Variants in PLB1 observed in about 807,000 individuals in gnomAD.
PLB1 encodes phospholipase B1.
PLB1 carries 242 observed loss-of-function variants against 227.4 expected under a neutral mutation model. That is an observed-to-expected ratio of 1.06 (90% CI 0.96 to 1.18). The LOEUF is 1.18. Ranked by LOEUF, PLB1 falls within the 50% of genes most tolerant of loss-of-function variation. The pLI is 0.00. For synonymous variants in PLB1, 757 were observed against 682.2 expected, an observed-to-expected ratio of 1.11 and a Z score of -1.71; for missense variants, 1,858 against 1,816.3, an observed-to-expected ratio of 1.02 and a Z score of -0.42.
rs142773080 is a variant in PLB1, at chr2:28,497,129, T to C, written c.55+960T>C. Among the ~76,000 whole-genome samples, 829 of 152,364 alleles carry C rather than the reference T, an allele frequency of 5.4e-3. 8 individuals are homozygous for C. Among genetic ancestry groups the C allele is most frequent in the African/African-American group, 0.019 (790 of 41,590 alleles). On this transcript the variant is annotated intron_variant, in intron 1 of 57. Transcript: ENST00000327757. ...CATAGAGATTGTTTGAGTTTCTCTTTTGTGAAGTGCCTGTTGAAGTCTTTT... is the reference window on the plus strand; with the variant it reads ...CATAGAGATTGTTTGAGTTTCTCTTCTGTGAAGTGCCTGTTGAAGTCTTTT...
chr2:28,513,658 C>T (rs889026873), intron 1 of PLB1, among the ~76,000 whole-genome samples: 1 of 152,214 alleles, frequency 6.6e-6, no homozygotes, highest in Non-Finnish European at 1.5e-5. Context: ...GACACTTGCA[C>T]GCAGGCACAC....
intron 14 of PLB1, among the ~76,000 whole-genome samples, chr2:28,543,925 A>G (rs4666090): frequency 0.89 from 134,814 of 152,328 alleles, 59,992 homozygotes; most frequent in East Asian, 0.99. Flanking sequence ...CAGGGGATGG[A>G]ATGTGGCGTC....
rs544621759 is a variant in PLB1, at chr2:28,505,203, A to G, written c.55+9034A>G. On this transcript the variant is annotated intron_variant, in intron 1 of 57. Transcript: ENST00000327757. ...GTAACTTATCCAAAATCATCCAGCT[A>G]ATTAGTACAGGAAGCTGAGGTCAGT... 4.6e-5 allele frequency among the ~76,000 whole-genome samples: 7 copies of G among 152,312 alleles called. No homozygotes were observed. In the South Asian group the frequency reaches 1.4e-3, roughly 32 times the overall value.
chr2:28,548,340 T>G (rs1673622324), intron 14 of PLB1, among the ~76,000 whole-genome samples: 1 of 152,144 alleles, frequency 6.6e-6, no homozygotes, highest in African/African-American at 2.4e-5. Flanking sequence ...CCATACTGGC[T>G]CTCCTGTCTA....
chr2:28,590,933 A>T (rs904403992), intron 29 of PLB1, among the ~76,000 whole-genome samples, 200 bp from the exon 30 acceptor site: 1 of 152,156 alleles, frequency 6.6e-6, no homozygotes, highest in Non-Finnish European at 1.5e-5. Context: ...GCATGAATTG[A>T]TGCTCATTCT....
At chr2:28,590,799 A>G (rs1681772765) in intron 29 of PLB1, among the ~76,000 whole-genome samples, 1 of 152,078 alleles carries the variant, frequency 6.6e-6, no homozygotes. Context: ...AGCGGAGACA[A>G]GGGCTTTTTC....
At chr2:28,589,276 C>CTGATCTAAAATGTAAA (rs915376050) in intron 26 of PLB1, among the ~76,000 whole-genome samples, 174 bp from the exon 27 acceptor site, 28 of 152,144 alleles carry the variant, frequency 1.8e-4, no homozygotes, top group Non-Finnish European at 3.1e-4. Flanking sequence ...GAGATAAAGG[C>CTGATCTAAAATGTAAA]TGATCTAAAA....
intron 25 of PLB1, among the ~76,000 whole-genome samples, chr2:28,585,376 A>G (rs757952528): frequency 7.2e-5 from 11 of 152,028 alleles, no homozygotes; most frequent in Non-Finnish European, 1.2e-4. Flanking sequence ...CCCGGGTTCA[A>G]GCGATTCTCA....
At chr2:28,527,700 C>T (rs534389429) in intron 6 of PLB1, among the ~76,000 whole-genome samples, 17 of 152,366 alleles carry the variant, frequency 1.1e-4, no homozygotes, top group Non-Finnish European at 2.4e-4. Context: ...TTTGTTCTCA[C>T]CCCACTGCTG....
rs535185369 is a variant in PLB1, at chr2:28,522,333, A to G, written c.243+2570A>G. ...CCACTGAAAGCAGGCAGAGCTCCCC[A>G]CCCGCATTCTCTCTTATCGATGCTG... is the stretch of plus-strand genomic sequence containing the variant. On this transcript the variant is annotated intron_variant, in intron 4 of 57. Coordinates refer to ENST00000327757, the MANE Select transcript of PLB1 (RefSeq NM_153021.5). Among the ~76,000 whole-genome samples the G allele has an allele frequency of 5.9e-5, 9 of 151,970 alleles. No homozygotes were observed. In the South Asian group the frequency reaches 1.9e-3, roughly 32 times the overall value.
rs1669119406 is a variant in PLB1 at position 28,518,486 on chromosome 2, C to G, written c.138C>G (p.Phe46Leu). The change falls in exon 3 of 58, where the codon TTC becomes TTG. Residue 46 changes from phenylalanine to leucine, a missense_variant. Phe to Leu is a conservative substitution (Grantham distance 22). Transcript: ENST00000327757. ...TGCAGACCCTGAAGAATTCTCCATT[C>G]CCATGCAACCCAAATAAATTAGGAG... ...LWPETLKNSP[F>L]PCNPNKLGVN... The G allele has an allele frequency of 6.2e-7, 1 of 1,612,808 alleles. No individual in the cohort carries two copies. Among genetic ancestry groups the G allele is most frequent in the South Asian group, 1.1e-5 (1 of 91,044 alleles).
At chr2:28,634,180 C>G (rs950882712) in intron 56 of PLB1, among the ~76,000 whole-genome samples, 1 of 152,202 alleles carries the variant, frequency 6.6e-6, no homozygotes, top group African/African-American at 2.4e-5. Flanking sequence ...GTGGACATCA[C>G]GTACCTGCCC....
At chr2:28,546,214 T>C (rs1358393763) in intron 14 of PLB1, among the ~76,000 whole-genome samples, 1 of 152,190 alleles carries the variant, frequency 6.6e-6, no homozygotes, top group Admixed American at 6.5e-5. Context: ...CTAGGCCCTT[T>C]CTGCTGCTGC....
At chr2:28,515,001 C>G (rs183224586) in intron 1 of PLB1, among the ~76,000 whole-genome samples, 1 of 152,138 alleles carries the variant, frequency 6.6e-6, no homozygotes, top group East Asian at 1.9e-4. Context: ...GCCATTTAAC[C>G]TTTTGGGGCC....
chr2:28,498,106 T>C (rs1666683659), intron 1 of PLB1, among the ~76,000 whole-genome samples: 1 of 151,846 alleles, frequency 6.6e-6, no homozygotes, highest in South Asian at 2.1e-4. Flanking sequence ...CTCGAGGTCA[T>C]GAAGATATCT....
Position 28,530,543 on chromosome 2 carries a change from C to T in PLB1, c.468+764C>T, listed in dbSNP as rs74525243. On this transcript the variant is annotated intron_variant, in intron 8 of 57. Transcript: ENST00000327757. ...TAATTTTAGTTCTGAGTGTGGAGGC[C>T]TCTGTCACATACATGCTGGGTGCCT... is the stretch of plus-strand genomic sequence containing the variant. Among the ~76,000 whole-genome samples, 9 of 152,312 alleles carry T rather than the reference C, an allele frequency of 5.9e-5. 1 individual carries two copies. In the East Asian group the frequency reaches 1.5e-3, roughly 26 times the overall value.
chr2:28,584,879 A>C (rs1158730129), intron 25 of PLB1, among the ~76,000 whole-genome samples: 1 of 152,230 alleles, frequency 6.6e-6, no homozygotes. Context: ...AGCCAGGCAG[A>C]CTTGAGTTCA....
intron 35 of PLB1, 59 bp downstream of exon 35, chr2:28,598,819 C>T (rs1292468725): frequency 6.4e-6 from 9 of 1,408,960 alleles, no homozygotes; most frequent in Non-Finnish European, 9.1e-6. Context: ...TGGATAGTAC[C>T]CTTTAAGACC....
chr2:28,605,781 A>G, intron 41 of PLB1, 72 bp from the exon 42 acceptor site: 1 of 1,292,584 alleles, frequency 7.7e-7, no homozygotes, highest in Non-Finnish European at 1.1e-6. Context: ...GGTCAGTCCC[A>G]GGGCCAAGTC....
Sources: gnomAD v4.1 joint callset for allele counts (sites outside exome capture counted in the v4.1 genomes callset) on GRCh38, gnomAD v4.1.1 for gene constraint, MANE v1.5 for transcripts, NCBI Gene and HGNC (gene_info 2026-07-23, HGNC 2026-07-21) for gene names.